MAPKAP1: variants seen among roughly 807,000 people sequenced by gnomAD.
MAPKAP1 encodes the protein target of rapamycin complex 2 subunit MAPKAP1.
Under a neutral mutation model 65.7 loss-of-function variants are expected in MAPKAP1, and 20 were observed. That is an observed-to-expected ratio of 0.30 (90% CI 0.21 to 0.44). The LOEUF is 0.44. Among genes scored for constraint, MAPKAP1 ranks in the 20% least tolerant of loss-of-function variants. The probability of loss-of-function intolerance (pLI) is 1.00; values close to 1 mark genes in which losing one functional copy is unlikely to be tolerated. For missense variants in MAPKAP1, 423 were observed against 648.0 expected (o/e 0.65, Z 3.77); for synonymous variants, 222 against 244.3 (o/e 0.91, Z 0.85).
chr9:125,688,454 T>C (rs1375656845), intron 1 of MAPKAP1, among the ~76,000 whole-genome samples: 2 of 152,178 alleles, frequency 1.3e-5, no homozygotes, highest in Admixed American at 1.3e-4. Flanking sequence ...TCTCATTTTT[T>C]AAATCACCAC....
intron 4 of MAPKAP1, among the ~76,000 whole-genome samples, chr9:125,613,395 C>T (rs934474328): frequency 6.6e-6 from 1 of 152,154 alleles, no homozygotes; most frequent in Non-Finnish European, 1.5e-5. Context: ...GTCACCTTGC[C>T]AAGACTGCAC....
chr9:125,464,984 C>T (rs1229670035), intron 10 of MAPKAP1, among the ~76,000 whole-genome samples: 1 of 152,120 alleles, frequency 6.6e-6, no homozygotes, highest in Non-Finnish European at 1.5e-5. Context: ...CATGTCTCAA[C>T]TAAGACTGGG....
At chr9:125,521,459 T>C in intron 7 of MAPKAP1, 1 of 1,197,800 alleles carries the variant, frequency 8.3e-7, no homozygotes, top group South Asian at 3.1e-5. Context: ...TGTAAAGAAA[T>C]ACAGATGGTT....
At chr9:125,486,401 G>A (rs1854501852) in intron 8 of MAPKAP1, among the ~76,000 whole-genome samples, 1 of 152,184 alleles carries the variant, frequency 6.6e-6, no homozygotes, top group Non-Finnish European at 1.5e-5. Flanking sequence ...GGGTGCTCTA[G>A]GCCTCGTGTT....
rs539925395 is a variant in MAPKAP1 at position 125,671,721 on chromosome 9, A to G, written c.259+595T>C. ...GTGTATACCAAAGTTGAGTGTTTTC[A>G]AGCCAGAAAAATCAAAAGGTGATCA... On this transcript the variant is annotated intron_variant, in intron 2 of 11. Transcript: ENST00000265960. Among the ~76,000 whole-genome samples the G allele has an allele frequency of 9.8e-5, 15 of 152,316 alleles. No individual in the cohort carries two copies. The East Asian group carries it at 2.7e-3, about 27-fold the overall frequency.
chr9:125,468,417 T>C (rs1475915523), intron 9 of MAPKAP1, among the ~76,000 whole-genome samples: 2 of 152,218 alleles, frequency 1.3e-5, no homozygotes, highest in African/African-American at 4.8e-5. Flanking sequence ...AGAGAGGCTA[T>C]TTACAGCCGT....
chr9:125,485,793 G>A (rs920752947), intron 8 of MAPKAP1, among the ~76,000 whole-genome samples: 4 of 152,132 alleles, frequency 2.6e-5, no homozygotes, highest in Admixed American at 1.3e-4. Flanking sequence ...CGACAGCTGC[G>A]GCCGCAACTC....
intron 7 of MAPKAP1, among the ~76,000 whole-genome samples, chr9:125,518,580 G>C (rs1589252948): frequency 1.3e-5 from 2 of 152,184 alleles, no homozygotes; most frequent in Admixed American, 1.3e-4. Context: ...TGAGGCAGGA[G>C]GACTGCTTAA....
rs978427464 is a variant in MAPKAP1, at chr9:125,665,239, C to T, written c.349+4579G>A. Among the ~76,000 whole-genome samples, 10 of 152,240 alleles carry T rather than the reference C, an allele frequency of 6.6e-5. No individual in the cohort carries two copies. The South Asian group carries it at 1.0e-3, about 16-fold the overall frequency. On this transcript the variant is annotated intron_variant, in intron 3 of 11. Transcript: ENST00000265960. ...ACAAGAATTGTGTGAACCCCAGAGG[C>T]GGATGTCACAGTGAGCCAAAACTGT...
chr9:125,525,684 AAAAAAC>A (rs71374273), intron 7 of MAPKAP1, among the ~76,000 whole-genome samples: 13 of 147,262 alleles, frequency 8.8e-5, no homozygotes, highest in South Asian at 2.2e-4. Context: ...AAACAAAACA[AAAAAAC>A]AAAAACAAAA....
intron 8 of MAPKAP1, among the ~76,000 whole-genome samples, chr9:125,496,353 C>T (rs1324911203): frequency 2.0e-5 from 3 of 152,216 alleles, no homozygotes; most frequent in East Asian, 1.9e-4. Context: ...AACACCTCCC[C>T]GCTAAAGCCA....
intron 1 of MAPKAP1, among the ~76,000 whole-genome samples, chr9:125,694,439 A>G (rs553707523): frequency 9.6e-4 from 146 of 152,214 alleles, no homozygotes; most frequent in Non-Finnish European, 1.6e-3. Flanking sequence ...TTGAATGCCA[A>G]TACCAATACG....
At position 125,533,331 on chromosome 9, in the gene MAPKAP1, T is replaced by C. The variant is rs754561241; in HGVS notation, c.958+9728A>G. Among the ~76,000 whole-genome samples, 29 of 152,262 alleles carry C rather than the reference T, an allele frequency of 1.9e-4. 1 individual carries two copies. In the Middle Eastern group the frequency reaches 0.02, roughly 107 times the overall value. ...CCCAGAAATGCAAATTAAAATGAGA[T>C]ACTGGCTGCTAACCATCAGTTTGGC... On this transcript the variant is annotated intron_variant, in intron 7 of 11. Coordinates refer to ENST00000265960, the MANE Select transcript of MAPKAP1 (RefSeq NM_001006617.3).
At chr9:125,694,787 G>C (rs1415875360) in intron 1 of MAPKAP1, among the ~76,000 whole-genome samples, 2 of 152,178 alleles carry the variant, frequency 1.3e-5, no homozygotes, top group Non-Finnish European at 2.9e-5. Context: ...AATAAGCCCT[G>C]ATGCATGACT....
intron 10 of MAPKAP1, among the ~76,000 whole-genome samples, chr9:125,459,325 T>G (rs1853360634): frequency 1.4e-5 from 2 of 144,992 alleles, no homozygotes; most frequent in Admixed American, 6.9e-5. Context: ...CTCCTCACTT[T>G]CCAGACTGGG....
At chr9:125,677,918 AT>A (rs902870237) in intron 1 of MAPKAP1, among the ~76,000 whole-genome samples, 99 of 149,966 alleles carry the variant, frequency 6.6e-4, no homozygotes, top group African/African-American at 2.3e-3. Context: ...AAATAACACA[AT>A]TTTTTTTTTC....
At chr9:125,695,261 G>C (rs371016435) in intron 1 of MAPKAP1, among the ~76,000 whole-genome samples, 1 of 152,130 alleles carries the variant, frequency 6.6e-6, no homozygotes, top group East Asian at 1.9e-4. Context: ...TTATAAATTA[G>C]AGCAGACAAA....
chr9:125,650,836 G>A (rs758553661), intron 4 of MAPKAP1, among the ~76,000 whole-genome samples: 4 of 152,124 alleles, frequency 2.6e-5, no homozygotes, highest in Non-Finnish European at 4.4e-5. Flanking sequence ...AACTCATTAC[G>A]AACTGACCAT....
chr9:125,490,565 C>A (rs973874620), intron 8 of MAPKAP1, among the ~76,000 whole-genome samples: 7 of 151,858 alleles, frequency 4.6e-5, no homozygotes, highest in African/African-American at 9.7e-5. Flanking sequence ...ACAAAACAAA[C>A]CAACAAAAAA....
Sources: gnomAD v4.1 joint callset for allele counts (sites outside exome capture counted in the v4.1 genomes callset) on GRCh38, gnomAD v4.1.1 for gene constraint, MANE v1.5 for transcripts, NCBI Gene and HGNC (gene_info 2026-07-23, HGNC 2026-07-21) for gene names.